Variants in MAGI2 observed in about 807,000 individuals in gnomAD.
The protein encoded by MAGI2 is membrane associated guanylate kinase, WW and PDZ domain containing 2, also known as membrane-associated guanylate kinase, WW and PDZ domain-containing protein 2.
A neutral mutation model predicts 133.3 loss-of-function variants in MAGI2; 35 were observed. That is an observed-to-expected ratio of 0.26 (90% confidence interval 0.20 to 0.35). The LOEUF (loss-of-function observed/expected upper bound fraction) is 0.35. Ranked by LOEUF, MAGI2 falls within the 10% of genes least tolerant of loss-of-function variation. The probability of loss-of-function intolerance (pLI) is 1.00; values close to 1 mark genes in which losing one functional copy is unlikely to be tolerated. For missense variants in MAGI2, 1,636 were observed against 1,863.4 expected (o/e 0.88, Z 2.25); for synonymous variants, 729 against 710.6 (o/e 1.03, Z -0.41).
chr7:78,603,233 A>G (rs1183245182), intron 3 of MAGI2, among the ~76,000 whole-genome samples: 1 of 152,226 alleles, frequency 6.6e-6, no homozygotes, highest in African/African-American at 2.4e-5. Context: ...CAAAGGCAAA[A>G]TAAACATTAA....
At chr7:78,659,961 G>C (rs567862954) in intron 2 of MAGI2, among the ~76,000 whole-genome samples, 2 of 152,124 alleles carry the variant, frequency 1.3e-5, no homozygotes, top group Non-Finnish European at 2.9e-5. Flanking sequence ...CGATGAGTTC[G>C]TGTCCTTTTA....
At chr7:78,612,700 C>T (rs975043989) in intron 3 of MAGI2, among the ~76,000 whole-genome samples, 9 of 151,840 alleles carry the variant, frequency 5.9e-5, no homozygotes, top group East Asian at 3.9e-4. Flanking sequence ...GGCGGGGTCT[C>T]GCTCTGTCGC....
chr7:78,787,365 A>T (rs1826922408), intron 2 of MAGI2, among the ~76,000 whole-genome samples: 1 of 152,204 alleles, frequency 6.6e-6, no homozygotes, highest in South Asian at 2.1e-4. Flanking sequence ...GGAATAAGCC[A>T]CTTGGGAATA....
chr7:78,262,407 C>T (rs2361376), intron 9 of MAGI2, among the ~76,000 whole-genome samples: 44,378 of 151,846 alleles, frequency 0.29, 7,609 homozygotes, highest in African/African-American at 0.47. Context: ...TTAATGGCTG[C>T]AAAACACTAG....
At chr7:78,086,814 T>G (rs1186876261) in intron 20 of MAGI2, among the ~76,000 whole-genome samples, 3 of 151,984 alleles carry the variant, frequency 2.0e-5, no homozygotes, top group African/African-American at 7.3e-5. Flanking sequence ...TTTATATTTT[T>G]GGTAAAGACG....
At chr7:78,135,969 TAAA>T (rs1466966799) in intron 16 of MAGI2, among the ~76,000 whole-genome samples, 1 of 152,024 alleles carries the variant, frequency 6.6e-6, no homozygotes, top group African/African-American at 2.4e-5. Flanking sequence ...GGAAAAAAAA[TAAA>T]AAGAAACACT....
At chr7:79,039,291 A>G (rs1335883412) in intron 1 of MAGI2, among the ~76,000 whole-genome samples, 1 of 152,182 alleles carries the variant, frequency 6.6e-6, no homozygotes, top group Non-Finnish European at 1.5e-5. Flanking sequence ...AGGTGTCCCC[A>G]GCTATGCAGA....
chr7:78,587,176 C>T (rs533745815), intron 3 of MAGI2, among the ~76,000 whole-genome samples: 2 of 152,308 alleles, frequency 1.3e-5, no homozygotes, highest in Admixed American at 6.5e-5. Flanking sequence ...ATAGCAGCTG[C>T]ACCATTTTAT....
intron 1 of MAGI2, among the ~76,000 whole-genome samples, chr7:79,329,685 C>A (rs1839927946): frequency 6.6e-6 from 1 of 152,188 alleles, no homozygotes; most frequent in Non-Finnish European, 1.5e-5. Context: ...TCCCGTCAAC[C>A]AAATCCTCTG....
chr7:78,520,106 A>T (rs1796368522), intron 4 of MAGI2, among the ~76,000 whole-genome samples: 1 of 152,208 alleles, frequency 6.6e-6, no homozygotes, highest in African/African-American at 2.4e-5. Context: ...ATTTGTATCT[A>T]GAAATCAATG....
intron 1 of MAGI2, among the ~76,000 whole-genome samples, chr7:79,337,248 G>A (rs1011978753): frequency 5.3e-5 from 8 of 152,052 alleles, no homozygotes; most frequent in African/African-American, 1.2e-4. Context: ...GTTTCCAAGC[G>A]ATCTTTTTAC....
At chr7:78,620,327 A>T (rs1807590108) in intron 3 of MAGI2, among the ~76,000 whole-genome samples, 1 of 152,060 alleles carries the variant, frequency 6.6e-6, no homozygotes, top group African/African-American at 2.4e-5. Flanking sequence ...TAAAAATTTC[A>T]TCAATACATC....
chr7:79,289,890 A>G (rs1836329266), intron 1 of MAGI2, among the ~76,000 whole-genome samples: 1 of 152,152 alleles, frequency 6.6e-6, no homozygotes, highest in Admixed American at 6.5e-5. Flanking sequence ...AAATTTAAAA[A>G]ATAAAAAGTA....
At chr7:79,263,273 A>T (rs1399475104) in intron 1 of MAGI2, among the ~76,000 whole-genome samples, 1 of 152,136 alleles carries the variant, frequency 6.6e-6, no homozygotes, top group African/African-American at 2.4e-5. Flanking sequence ...TTATTTTATC[A>T]TGTAATCTTC....
At chr7:79,287,597 T>C (rs536689321) in intron 1 of MAGI2, among the ~76,000 whole-genome samples, 1 of 152,264 alleles carries the variant, frequency 6.6e-6, no homozygotes, top group South Asian at 2.1e-4. Flanking sequence ...TACTTGGCCA[T>C]GATACATAAC....
intron 10 of MAGI2, among the ~76,000 whole-genome samples, chr7:78,229,870 C>T (rs960955112): frequency 6.6e-6 from 1 of 152,118 alleles, no homozygotes; most frequent in African/African-American, 2.4e-5. Context: ...AGACTCCAGA[C>T]ACAGATTCGG....
chr7:78,388,694 C>A (rs907280638), intron 6 of MAGI2, among the ~76,000 whole-genome samples: 1 of 152,108 alleles, frequency 6.6e-6, no homozygotes, highest in African/African-American at 2.4e-5. Flanking sequence ...CAAAGGGATT[C>A]AACTGGAGTA....
At chr7:78,590,229 A>T (rs1436385779) in intron 3 of MAGI2, among the ~76,000 whole-genome samples, 1 of 152,212 alleles carries the variant, frequency 6.6e-6, no homozygotes, top group Non-Finnish European at 1.5e-5. Context: ...TCCAAGCACA[A>T]GTCACTGAGG....
At chr7:78,924,797 T>C (rs889944917) in intron 2 of MAGI2, among the ~76,000 whole-genome samples, 10 of 151,840 alleles carry the variant, frequency 6.6e-5, no homozygotes, top group African/African-American at 2.2e-4. Context: ...TGAACAACAG[T>C]TCCCCCTACT....
Sources: gnomAD v4.1 joint callset for allele counts (sites outside exome capture counted in the v4.1 genomes callset) on GRCh38, gnomAD v4.1.1 for gene constraint, MANE v1.5 for transcripts, NCBI Gene and HGNC (gene_info 2026-07-23, HGNC 2026-07-21) for gene names.